MRE11: variants seen among roughly 807,000 people sequenced by gnomAD.
The protein encoded by MRE11 is MRE11 double strand break repair nuclease.
A neutral mutation model predicts 91.7 loss-of-function variants in MRE11; 62 were observed. That is an observed-to-expected ratio of 0.68 (90% CI 0.55 to 0.84). MRE11 has a LOEUF of 0.84. Ranked by LOEUF, MRE11 falls within the 40% of genes least tolerant of loss-of-function variation. The pLI is 0.00. For missense variants in MRE11, 796 were observed against 852.9 expected, an observed-to-expected ratio of 0.93 and a Z score of 0.83; for synonymous variants, 273 against 271.4, an observed-to-expected ratio of 1.01 and a Z score of -0.06.
At position 94,447,445 on chromosome 11, in the gene MRE11, G is replaced by A. The variant is rs863224403; in HGVS notation, c.1564-7C>T. On this transcript the variant is annotated splice_polypyrimidine_tract_variant and splice_region_variant and intron_variant, in intron 14 of 19. Transcript: ENST00000323929. Reference sequence around the variant, plus strand: ...CTCTGGCCCTGGTCATAGCCTAAGAGGGAGAAGAAGGAGAAAGTACACACA... The same window carrying A: ...CTCTGGCCCTGGTCATAGCCTAAGAAGGAGAAGAAGGAGAAAGTACACACA... The A allele has an allele frequency of 6.2e-7, 1 of 1,613,088 alleles. No homozygotes were observed. Among genetic ancestry groups the A allele is most frequent in the Non-Finnish European group, 8.5e-7 (1 of 1,179,144 alleles).
intron 19 of MRE11, among the ~76,000 whole-genome samples, chr11:94,426,483 T>C (rs1309020282): frequency 6.9e-6 from 1 of 143,950 alleles, no homozygotes; most frequent in Non-Finnish European, 1.5e-5. Flanking sequence ...ATTAACAATT[T>C]AACATTGTAC....
intron 10 of MRE11, among the ~76,000 whole-genome samples, chr11:94,466,038 T>C (rs1318145257): frequency 6.6e-6 from 1 of 152,022 alleles, no homozygotes; most frequent in East Asian, 1.9e-4. Context: ...AAAGGCTTCT[T>C]TGAAGACAGA....
At chr11:94,440,224 T>C (rs1945738278) in intron 16 of MRE11, among the ~76,000 whole-genome samples, 1 of 152,352 alleles carries the variant, frequency 6.6e-6, no homozygotes, top group Admixed American at 6.5e-5. Flanking sequence ...ATGAATACTG[T>C]TTCCTTAAAA....
chr11:94,507,658 AT>A, the MRE11 span, among the ~76,000 whole-genome samples: 2,908 of 150,704 alleles, frequency 0.019, 67 homozygotes, highest in South Asian at 0.068. Flanking sequence ...TTTTCATTTC[AT>A]TTTTTTTTAA....
At chr11:94,503,826 CAAAAAAA>C in the MRE11 span, among the ~76,000 whole-genome samples, 1 of 87,268 alleles carries the variant, frequency 1.1e-5, no homozygotes, top group African/African-American at 4.7e-5. Flanking sequence ...GACTCCGTCT[CAAAAAAA>C]AAAAAAAAAA....
At chr11:94,469,372 C>A (rs886333156) in intron 9 of MRE11, among the ~76,000 whole-genome samples, 5 of 152,150 alleles carry the variant, frequency 3.3e-5, no homozygotes, top group Non-Finnish European at 7.4e-5. Flanking sequence ...CACAGAACTG[C>A]CTCCCACAAC....
intron 2 of MRE11, among the ~76,000 whole-genome samples, chr11:94,491,315 G>A (rs1327810173): frequency 6.6e-6 from 1 of 151,964 alleles, no homozygotes; most frequent in Admixed American, 6.6e-5. Flanking sequence ...ATCTGACTTC[G>A]TACTCTTCCA....
intron 14 of MRE11, among the ~76,000 whole-genome samples, chr11:94,452,196 CAAAAAAAAAA>C (rs35238737): frequency 5.3e-5 from 5 of 94,550 alleles, no homozygotes; most frequent in Admixed American, 5.3e-4. Flanking sequence ...GACTTTGCCT[CAAAAAAAAAA>C]AAAAAAAAGA....
At chr11:94,436,162 G>GA (rs1406692835) in intron 17 of MRE11, among the ~76,000 whole-genome samples, 3 of 152,132 alleles carry the variant, frequency 2.0e-5, no homozygotes, top group Non-Finnish European at 4.4e-5. Context: ...TTACACTGGT[G>GA]AATGACTTGC....
In MRE11 at chr11:94,490,816, A is replaced by G; in HGVS notation, c.153+17T>C. ...AGGGAATATGGTAGATAGTGCACAA[A>G]TACAAACCACACTCACTTCATTTTC... On this transcript the variant is annotated intron_variant, in intron 3 of 19. Transcript: ENST00000323929. The G allele has an allele frequency of 6.2e-7, 1 of 1,613,434 alleles. No homozygotes were observed. The highest frequency in any genetic ancestry group is 1.1e-5 in the South Asian group (1 of 91,070).
At chr11:94,483,179 G>T (rs973826525) in intron 4 of MRE11, among the ~76,000 whole-genome samples, 38 of 151,164 alleles carry the variant, frequency 2.5e-4, no homozygotes, top group African/African-American at 9.0e-4. Flanking sequence ...AACTAAATAA[G>T]AAATAAATAT....
chr11:94,495,032 G>C (rs1947391427), upstream of MRE11, among the ~76,000 whole-genome samples: 1 of 152,252 alleles, frequency 6.6e-6, no homozygotes, highest in African/African-American at 2.4e-5. Context: ...CTCTGATTGG[G>C]TGACTGAAAA....
At chr11:94,483,213 G>A (rs1947056290) in intron 4 of MRE11, among the ~76,000 whole-genome samples, 1 of 152,160 alleles carries the variant, frequency 6.6e-6, no homozygotes, top group African/African-American at 2.4e-5. Flanking sequence ...TGGCTCACAA[G>A]TGTAATCACA....
At chr11:94,429,181 C>T (rs1211468592) in intron 19 of MRE11, among the ~76,000 whole-genome samples, 1 of 152,050 alleles carries the variant, frequency 6.6e-6, no homozygotes, top group Non-Finnish European at 1.5e-5. Context: ...ACTAAAAAGT[C>T]AAAAGACAAC....
At chr11:94,431,871 A>C (rs1945470453) in intron 18 of MRE11, among the ~76,000 whole-genome samples, 1 of 152,230 alleles carries the variant, frequency 6.6e-6, no homozygotes, top group African/African-American at 2.4e-5. Flanking sequence ...AAAAGTAAAC[A>C]ATCTACTGTG....
chr11:94,496,908 A>G, upstream of MRE11: 1 of 1,613,870 alleles, frequency 6.2e-7, no homozygotes, highest in Admixed American at 1.7e-5. Context: ...AAAATGGAAA[A>G]AGACCCAAGC....
At chr11:94,427,581 C>A (rs1284520231) in intron 19 of MRE11, among the ~76,000 whole-genome samples, 1 of 151,996 alleles carries the variant, frequency 6.6e-6, no homozygotes, top group African/African-American at 2.4e-5. Flanking sequence ...GACATCCAAA[C>A]AGGAAAAGAA....
intron 17 of MRE11, 26 bp downstream of exon 17, chr11:94,437,151 C>T (rs1423595482): frequency 1.9e-6 from 3 of 1,589,070 alleles, no homozygotes; most frequent in Admixed American, 3.3e-5. Context: ...ATTATTAATA[C>T]ACAACCATAA....
Position 94,489,794 on chromosome 11 carries a change from T to C in MRE11, c.153+1039A>G, listed in dbSNP as rs141701158. 1.1e-3 allele frequency among the ~76,000 whole-genome samples: 171 copies of C among 152,340 alleles called. 3 individuals are homozygous for C. The highest frequency in any genetic ancestry group is 4.1e-3 in the African/African-American group (171 of 41,576). On this transcript the variant is annotated intron_variant, in intron 3 of 19. Coordinates refer to ENST00000323929, the MANE Select transcript of MRE11 (RefSeq NM_005591.4). ...CTGCCTGCTGAAATTTTTCCCTGAATGTCCCATTGCAGTCTCCAACTCTAA... is the reference window on the plus strand; with the variant it reads ...CTGCCTGCTGAAATTTTTCCCTGAACGTCCCATTGCAGTCTCCAACTCTAA...
Sources: gnomAD v4.1 joint callset for allele counts (sites outside exome capture counted in the v4.1 genomes callset) on GRCh38, gnomAD v4.1.1 for gene constraint, MANE v1.5 for transcripts, NCBI Gene and HGNC (gene_info 2026-07-23, HGNC 2026-07-21) for gene names.